Variants in ARHGEF38 observed in about 807,000 individuals in gnomAD.
ARHGEF38 encodes Rho guanine nucleotide exchange factor (GEF) 38.
In ARHGEF38, 79 loss-of-function variants were observed where a neutral mutation model predicts 79.9. That is an observed-to-expected ratio of 0.99 (90% confidence interval 0.82 to 1.19). The LOEUF (loss-of-function observed/expected upper bound fraction) is 1.19, where lower values mean the gene tolerates loss of function less well. Ranked by LOEUF, ARHGEF38 falls within the 50% of genes most tolerant of loss-of-function variation. ARHGEF38 has a pLI of 0.00. For synonymous variants in ARHGEF38, 366 were observed against 328.3 expected (o/e 1.11, Z -1.24); for missense variants, 962 against 907.2 (o/e 1.06, Z -0.78).
At position 105,679,330 on chromosome 4, in the gene ARHGEF38, G is replaced by T; in HGVS notation, c.*1393G>T. Reference sequence around the variant, plus strand: ...CCTGTAACCTTTGACTCAATTGGAGGAATATCAAAGCAAACACCCATATTT... The same window carrying T: ...CCTGTAACCTTTGACTCAATTGGAGTAATATCAAAGCAAACACCCATATTT... On this transcript the variant is annotated 3_prime_UTR_variant, in exon 14 of 14. Coordinates refer to ENST00000420470, the MANE Select transcript of ARHGEF38 (RefSeq NM_001242729.2). 1.1e-6 allele frequency: 1 copy of T among 908,640 alleles called. No individual in the cohort carries two copies. 56.3% of individuals were successfully genotyped at this position (908,640 alleles called of 1,614,324 possible).
chr4:105,646,520 C>T (rs1484092323), intron 6 of ARHGEF38, among the ~76,000 whole-genome samples: 1 of 152,128 alleles, frequency 6.6e-6, no homozygotes, highest in Non-Finnish European at 1.5e-5. Context: ...TCTCAATCTA[C>T]AGGTGAGAAT....
chr4:105,621,547 T>C (rs1728734615), intron 3 of ARHGEF38, among the ~76,000 whole-genome samples: 1 of 152,236 alleles, frequency 6.6e-6, no homozygotes, highest in African/African-American at 2.4e-5. Context: ...TAGTAGGTGA[T>C]GCACTGTTGT....
intron 1 of ARHGEF38, among the ~76,000 whole-genome samples, chr4:105,561,310 A>G (rs1218768578): frequency 6.6e-6 from 1 of 151,774 alleles, no homozygotes; most frequent in Non-Finnish European, 1.5e-5. Context: ...GCTGAGGCAC[A>G]AGAATCACTC....
intron 1 of ARHGEF38, among the ~76,000 whole-genome samples, chr4:105,553,370 TAGGTA>T (rs1021635115): frequency 1.8e-4 from 27 of 152,306 alleles, no homozygotes; most frequent in African/African-American, 6.5e-4. Flanking sequence ...GAGATATATC[TAGGTA>T]ATGGTACTGA....
At chr4:105,640,302 T>C (rs1236172899) in intron 5 of ARHGEF38, among the ~76,000 whole-genome samples, 2 of 152,174 alleles carry the variant, frequency 1.3e-5, no homozygotes, top group African/African-American at 4.8e-5. Flanking sequence ...TTTCTATGAA[T>C]TAACAATTGT....
intron 5 of ARHGEF38, among the ~76,000 whole-genome samples, chr4:105,641,658 AT>A (rs1729620792): frequency 6.6e-6 from 1 of 151,848 alleles, no homozygotes; most frequent in Non-Finnish European, 1.5e-5. Flanking sequence ...TTACATAATT[AT>A]TCTTTTTTTT....
chr4:105,627,922 T>G (rs1729015487), intron 3 of ARHGEF38, among the ~76,000 whole-genome samples: 1 of 152,208 alleles, frequency 6.6e-6, no homozygotes, highest in African/African-American at 2.4e-5. Flanking sequence ...CTGCCAGTGT[T>G]GTACTTGGCC....
rs1731243024 is a variant in ARHGEF38, at chr4:105,679,665, T to C, written c.*1728T>C. 1 of 799,642 alleles carries C rather than the reference T, an allele frequency of 1.3e-6. No homozygotes were observed. The highest frequency in any genetic ancestry group is 2.3e-6 in the Non-Finnish European group (1 of 442,446). The allele number at this position is 799,642 out of a possible 1,614,324, so 49.5% of individuals were successfully genotyped here. On this transcript the variant is annotated 3_prime_UTR_variant, in exon 14 of 14. Coordinates refer to ENST00000420470, the MANE Select transcript of ARHGEF38 (RefSeq NM_001242729.2). ...ACCTTATGGCATCCATGCTTTTAAA[T>C]TTAACTAAATCCATTGTAGAAGGAA...
chr4:105,649,388 G>A (rs1729994700), intron 7 of ARHGEF38, among the ~76,000 whole-genome samples: 1 of 152,142 alleles, frequency 6.6e-6, no homozygotes, highest in African/African-American at 2.4e-5. Context: ...TGCCTCAAGG[G>A]TACAATCTAG....
chr4:105,577,225 A>G (rs1410321198), intron 1 of ARHGEF38, among the ~76,000 whole-genome samples: 1 of 146,620 alleles, frequency 6.8e-6, no homozygotes, highest in African/African-American at 2.5e-5. Context: ...AGCATTAGGT[A>G]TATCTCCTAA....
At chr4:105,619,011 A>G (rs1027282127) in intron 3 of ARHGEF38, among the ~76,000 whole-genome samples, 1 of 152,234 alleles carries the variant, frequency 6.6e-6, no homozygotes, top group Non-Finnish European at 1.5e-5. Flanking sequence ...ATTGAAAACT[A>G]TGATTTACAG....
rs1409967508 is a variant in ARHGEF38 at position 105,620,722 on chromosome 4, ATCAAGTG to A, written c.508+7219_508+7225del. 3.3e-5 allele frequency among the ~76,000 whole-genome samples: 5 copies of A among 152,170 alleles called. No homozygotes were observed. In the East Asian group the frequency reaches 9.6e-4, roughly 29 times the overall value. ...TTTTCTGTGAAGGGAGATTTAACATATCAAGTGTCATTTTCACATTTGGTAGAGTGAA... is the reference window on the plus strand; with the variant it reads ...TTTTCTGTGAAGGGAGATTTAACATATCATTTTCACATTTGGTAGAGTGAA... On this transcript the variant is annotated intron_variant, in intron 3 of 13. Transcript: ENST00000420470.
At chr4:105,614,411 T>TAC (rs1039577474) in intron 3 of ARHGEF38, among the ~76,000 whole-genome samples, 1 of 152,102 alleles carries the variant, frequency 6.6e-6, no homozygotes, top group African/African-American at 2.4e-5. Context: ...TACTTTGAGA[T>TAC]ACACACACAA....
intron 2 of ARHGEF38, among the ~76,000 whole-genome samples, chr4:105,600,863 A>G (rs1221893642): frequency 2.6e-5 from 4 of 152,120 alleles, no homozygotes; most frequent in Admixed American, 1.3e-4. Flanking sequence ...CTTAATTCCC[A>G]TATCAGATCG....
chr4:105,653,226 C>T (rs567187440), intron 7 of ARHGEF38, among the ~76,000 whole-genome samples: 2 of 152,098 alleles, frequency 1.3e-5, no homozygotes, highest in East Asian at 3.9e-4. Flanking sequence ...ACATGTGACA[C>T]TATCTTAAGT....
intron 1 of ARHGEF38, among the ~76,000 whole-genome samples, chr4:105,560,780 A>T (rs979012993): frequency 1.3e-5 from 2 of 152,184 alleles, no homozygotes; most frequent in African/African-American, 4.8e-5. Context: ...CTACTACTCT[A>T]AGTATTGTGA....
intron 1 of ARHGEF38, among the ~76,000 whole-genome samples, chr4:105,561,292 C>T (rs945436788): frequency 4.0e-5 from 6 of 151,790 alleles, no homozygotes; most frequent in African/African-American, 1.2e-4. Flanking sequence ...ATCCCAGCTA[C>T]TTGGGAGGCT....
intron 1 of ARHGEF38, among the ~76,000 whole-genome samples, chr4:105,556,840 CAT>C (rs1429962791): frequency 6.6e-5 from 10 of 152,140 alleles, no homozygotes; most frequent in Admixed American, 2.6e-4. Flanking sequence ...TGTGAGGACA[CAT>C]GTTTCTATCA....
chr4:105,622,761 T>C (rs1180778204), intron 3 of ARHGEF38, among the ~76,000 whole-genome samples: 1 of 152,162 alleles, frequency 6.6e-6, no homozygotes, highest in Non-Finnish European at 1.5e-5. Flanking sequence ...CTAAAGACAA[T>C]GAAGCAAAAT....
Sources: allele counts gnomAD v4.1 joint callset (sites outside exome capture counted in the v4.1 genomes callset), GRCh38; gene constraint gnomAD v4.1.1; transcripts MANE v1.5; gene names NCBI Gene and HGNC (gene_info 2026-07-23, HGNC 2026-07-21).